The following RABGAP1L variants were observed in gnomAD, a reference collection of about 807,000 sequenced individuals.
RABGAP1L encodes rab GTPase-activating protein 1-like.
In RABGAP1L, 63 loss-of-function variants were observed where a neutral mutation model predicts 137.7. The observed-to-expected ratio is 0.46, with a 90% CI of 0.37 to 0.56. RABGAP1L has a LOEUF of 0.56. Ranked by LOEUF, RABGAP1L falls within the 20% of genes least tolerant of loss-of-function variation. RABGAP1L has a pLI of 0.00. For synonymous variants in RABGAP1L, 431 were observed against 433.7 expected (o/e 0.99, Z 0.08); for missense variants, 1,095 against 1,244.0 (o/e 0.88, Z 1.80).
intron 7 of RABGAP1L, among the ~76,000 whole-genome samples, chr1:174,259,689 C>A (rs1673416210): frequency 1.3e-5 from 2 of 151,960 alleles, no homozygotes. Flanking sequence ...TCTTGATTAC[C>A]CATGTTGGAT....
chr1:174,765,382 G>T (rs150260064), intron 18 of RABGAP1L, among the ~76,000 whole-genome samples: 145 of 152,242 alleles, frequency 9.5e-4, no homozygotes, highest in African/African-American at 3.2e-3. Context: ...TGGCTGTTCA[G>T]ATCCTTTGCC....
intron 17 of RABGAP1L, among the ~76,000 whole-genome samples, chr1:174,745,913 T>C (rs16847402): frequency 0.09 from 13,726 of 152,300 alleles, 843 homozygotes; most frequent in East Asian, 0.22. Context: ...TTTGGTTTGA[T>C]AATTTGGTAA....
At chr1:174,906,076 G>A (rs970735744) in intron 19 of RABGAP1L, among the ~76,000 whole-genome samples, 3 of 152,052 alleles carry the variant, frequency 2.0e-5, no homozygotes, top group African/African-American at 7.2e-5. Context: ...GGAGTGCAGT[G>A]GCCCCATCTC....
intron 4 of RABGAP1L, among the ~76,000 whole-genome samples, chr1:174,231,691 G>T (rs1176751706): frequency 6.6e-6 from 1 of 152,170 alleles, no homozygotes; most frequent in African/African-American, 2.4e-5. Flanking sequence ...GGAGGCCTCA[G>T]GAAACTTAAA....
intron 1 of RABGAP1L, chr1:174,160,109 C>T (rs934434175): frequency 1.3e-5 from 2 of 152,526 alleles, no homozygotes; most frequent in Non-Finnish European, 2.9e-5. Flanking sequence ...TCGACCATTT[C>T]TCTCCCTCGC....
chr1:174,409,402 G>C (rs1241846348), intron 13 of RABGAP1L, among the ~76,000 whole-genome samples: 1 of 152,122 alleles, frequency 6.6e-6, no homozygotes, highest in Non-Finnish European at 1.5e-5. Context: ...AGCTGAGGAT[G>C]TACATCACTT....
chr1:174,667,329 A>G (rs184671001), intron 14 of RABGAP1L, among the ~76,000 whole-genome samples: 1 of 152,182 alleles, frequency 6.6e-6, no homozygotes, highest in Non-Finnish European at 1.5e-5. Flanking sequence ...TCTAAGAAGC[A>G]TAATTCAACA....
intron 13 of RABGAP1L, among the ~76,000 whole-genome samples, chr1:174,479,788 AATTGG>A (rs1257096373): frequency 6.6e-6 from 1 of 152,214 alleles, no homozygotes; most frequent in Non-Finnish European, 1.5e-5. Context: ...GAGGAGTCTT[AATTGG>A]ATAATTGGTT....
chr1:174,448,676 A>G lies in RABGAP1L; in HGVS notation c.1710+54531A>G. The G allele has an allele frequency of 6.2e-7, 1 of 1,613,936 alleles. No homozygotes were observed. The highest frequency in any genetic ancestry group is 1.1e-5 in the South Asian group (1 of 91,064). ...GGGGAAACCTGGTTACCATGGTGAC[A>G]TTTTTGAATGGTGTGCCACGTCTTG... is the stretch of plus-strand genomic sequence containing the variant. On this transcript the variant is annotated intron_variant, in intron 13 of 25. Coordinates refer to ENST00000681986, the MANE Select transcript of RABGAP1L (RefSeq NM_001366446.1). This position sits in a 1 kb window ranked among gnomAD's most constrained non-coding sequence, Gnocchi z 4.2.
chr1:174,929,663 AG>A (rs1230758558), intron 19 of RABGAP1L, among the ~76,000 whole-genome samples: 2 of 151,640 alleles, frequency 1.3e-5, no homozygotes, highest in Admixed American at 1.3e-4. Flanking sequence ...TTATGGCTTG[AG>A]CCCAAGAGGT....
chr1:174,683,402 C>T, intron 14 of RABGAP1L, 120 bp from the exon 15 acceptor site: 1 of 680,322 alleles, frequency 1.5e-6, no homozygotes. Flanking sequence ...AGTTGAAAGA[C>T]CAGTGGAATT....
chr1:174,615,512 CT>C (rs992432631), intron 13 of RABGAP1L, among the ~76,000 whole-genome samples: 5 of 152,164 alleles, frequency 3.3e-5, no homozygotes, highest in Admixed American at 3.3e-4. Context: ...AGTTAGGCTT[CT>C]CAGGGGTCAG....
In RABGAP1L at chr1:174,892,724, T is replaced by TTTCC. The variant is rs1413686209; in HGVS notation, c.2341-64731_2341-64730insCCTT. 2,783 of 481,256 alleles carry TTTCC rather than the reference T, an allele frequency of 5.8e-3. 106 individuals carry two copies. Among genetic ancestry groups the TTTCC allele is most frequent in the African/African-American group, 0.056 (2,595 of 46,330 alleles). 29.8% of individuals were successfully genotyped at this position (481,256 alleles called of 1,614,324 possible). On this transcript the variant is annotated intron_variant, in intron 19 of 25. Coordinates refer to ENST00000681986, the MANE Select transcript of RABGAP1L (RefSeq NM_001366446.1). Reference sequence around the variant, plus strand: ...TGCTTCAGGCTACCTCATTTCTTTGTTTTCTTTCTTTTTTTTTTTTTTGTG... The same window carrying TTTCC: ...TGCTTCAGGCTACCTCATTTCTTTGTTTCCTTTCTTTCTTTTTTTTTTTTTTGTG...
chr1:174,656,129 A>G (rs950571669), intron 14 of RABGAP1L, among the ~76,000 whole-genome samples: 5 of 151,968 alleles, frequency 3.3e-5, no homozygotes, highest in African/African-American at 1.2e-4. Context: ...TTTTTTTATT[A>G]ATACATAATT....
intron 18 of RABGAP1L, among the ~76,000 whole-genome samples, chr1:174,793,990 C>A (rs1456050928): frequency 6.6e-6 from 1 of 152,214 alleles, no homozygotes; most frequent in Non-Finnish European, 1.5e-5. Flanking sequence ...AGCCACCATG[C>A]CCGGCCCAGA....
chr1:174,731,156 A>G (rs112562789), intron 17 of RABGAP1L, among the ~76,000 whole-genome samples: 4 of 152,064 alleles, frequency 2.6e-5, no homozygotes, highest in Non-Finnish European at 5.9e-5. Context: ...TATTTTTATT[A>G]GAGAAGGGGT....
intron 17 of RABGAP1L, among the ~76,000 whole-genome samples, chr1:174,742,345 C>A (rs1186177609): frequency 6.6e-6 from 1 of 151,898 alleles, no homozygotes; most frequent in Non-Finnish European, 1.5e-5. Context: ...TGGTGAAACC[C>A]ATCTCTACTA....
intron 1 of RABGAP1L, among the ~76,000 whole-genome samples, chr1:174,201,075 C>T (rs1437504630): frequency 6.6e-6 from 1 of 152,080 alleles, no homozygotes; most frequent in African/African-American, 2.4e-5. Context: ...TAGTCTGCTC[C>T]TATCATTATG....
At chr1:174,743,104 T>C (rs1259155324) in intron 17 of RABGAP1L, among the ~76,000 whole-genome samples, 1 of 152,146 alleles carries the variant, frequency 6.6e-6, no homozygotes, top group Non-Finnish European at 1.5e-5. Context: ...AAGGCTTTAA[T>C]TGGGGGCTGC....
Sources: gnomAD v4.1 joint callset for allele counts (sites outside exome capture counted in the v4.1 genomes callset) on GRCh38, gnomAD v4.1.1 for gene constraint, Gnocchi (gnomAD v3.1) non-coding constraint, MANE v1.5 for transcripts, NCBI Gene and HGNC (gene_info 2026-07-23, HGNC 2026-07-21) for gene names.